The following C1orf21 variants were observed in gnomAD, a reference collection of about 807,000 sequenced individuals.
C1orf21 encodes the protein chromosome 1 open reading frame 21.
Under a neutral mutation model 18.7 loss-of-function variants are expected in C1orf21, and 3 were observed. The observed-to-expected ratio is 0.16, with a 90% confidence interval of 0.07 to 0.42. C1orf21 has a LOEUF of 0.42. Ranked by LOEUF, C1orf21 falls within the 10% of genes least tolerant of loss-of-function variation. The pLI is 0.99. For missense variants in C1orf21, 104 were observed against 143.6 expected (o/e 0.72, Z 1.41); for synonymous variants, 41 against 46.4 (o/e 0.88, Z 0.47).
At chr1:184,577,007 A>G (rs1319485395) in intron 3 of C1orf21, among the ~76,000 whole-genome samples, 1 of 152,084 alleles carries the variant, frequency 6.6e-6, no homozygotes, top group Non-Finnish European at 1.5e-5. Flanking sequence ...TGCATTTTGC[A>G]TGTGGGGTGG....
intron 1 of C1orf21, among the ~76,000 whole-genome samples, chr1:184,467,158 TC>T (rs1657410954): frequency 6.6e-6 from 1 of 152,180 alleles, no homozygotes; most frequent in African/African-American, 2.4e-5. Context: ...AGAGGGGTAC[TC>T]CCTTCCTTAA....
At chr1:184,583,346 AG>A (rs1233031768) in intron 3 of C1orf21, among the ~76,000 whole-genome samples, 1 of 152,240 alleles carries the variant, frequency 6.6e-6, no homozygotes. Flanking sequence ...AATTACTTCA[AG>A]CAAAGGAAAA....
At chr1:184,594,217 G>A (rs1361549297) in intron 4 of C1orf21, among the ~76,000 whole-genome samples, 1 of 152,192 alleles carries the variant, frequency 6.6e-6, no homozygotes, top group Non-Finnish European at 1.5e-5. Flanking sequence ...CTACTTCCCT[G>A]AGGTCCAGTT....
intron 1 of C1orf21, among the ~76,000 whole-genome samples, chr1:184,432,196 C>A (rs993954462): frequency 6.6e-5 from 10 of 152,234 alleles, no homozygotes; most frequent in Non-Finnish European, 1.2e-4. Context: ...GATTATAAAT[C>A]ATTCTACTCT....
intron 2 of C1orf21, among the ~76,000 whole-genome samples, chr1:184,484,002 C>T (rs1657695421): frequency 1.3e-5 from 2 of 152,080 alleles, no homozygotes; most frequent in Non-Finnish European, 2.9e-5. Flanking sequence ...CAGCTCACTG[C>T]AACCTCCGTC....
rs979443229 is a variant in C1orf21, at chr1:184,620,505, G to C, written c.*949G>C. ...TCTAAGAGGTGAGGGGACATCCTAT[G>C]ACTTTTTAGGAAGGCCTGAAACCAC... is the stretch of plus-strand genomic sequence containing the variant. On this transcript the variant is annotated 3_prime_UTR_variant, in exon 6 of 6. Coordinates refer to ENST00000235307, the MANE Select transcript of C1orf21 (RefSeq NM_030806.4). 6.6e-6 allele frequency: 1 copy of C among 152,524 alleles called. No individual in the cohort carries two copies. Among genetic ancestry groups the C allele is most frequent in the African/African-American group, 2.4e-5 (1 of 41,412 alleles). 9.4% of individuals were successfully genotyped at this position (152,524 alleles called of 1,614,324 possible). A position where few individuals can be genotyped will look rare whatever the true frequency, so the allele number is the denominator to read the frequency against.
At chr1:184,484,867 A>G (rs1657709932) in intron 2 of C1orf21, among the ~76,000 whole-genome samples, 1 of 148,260 alleles carries the variant, frequency 6.7e-6, no homozygotes, top group African/African-American at 2.5e-5. Flanking sequence ...ATGAGAGCAT[A>G]TAACAGATGC....
chr1:184,531,310 A>G (rs896286650), intron 3 of C1orf21, among the ~76,000 whole-genome samples: 5 of 151,622 alleles, frequency 3.3e-5, no homozygotes, highest in Non-Finnish European at 5.9e-5. Flanking sequence ...TCTACACTCT[A>G]TTTTCTATGT....
intron 1 of C1orf21, among the ~76,000 whole-genome samples, chr1:184,423,744 T>C (rs1464840133): frequency 1.3e-5 from 2 of 152,012 alleles, no homozygotes; most frequent in African/African-American, 2.4e-5. Flanking sequence ...TCTTCCTTTC[T>C]CCCTATTTCA....
chr1:184,482,058 T>C (rs1657665609), intron 2 of C1orf21, among the ~76,000 whole-genome samples: 1 of 152,266 alleles, frequency 6.6e-6, no homozygotes. Flanking sequence ...CCATTATTTC[T>C]GTGGTCTCTT....
chr1:184,489,869 A>T (rs907812155), intron 2 of C1orf21, among the ~76,000 whole-genome samples: 1 of 152,196 alleles, frequency 6.6e-6, no homozygotes, highest in African/African-American at 2.4e-5. Flanking sequence ...TTTATTGTGA[A>T]GTTTCAGGTG....
chr1:184,489,129 T>C (rs1657776995), intron 2 of C1orf21, among the ~76,000 whole-genome samples: 1 of 152,196 alleles, frequency 6.6e-6, no homozygotes, highest in Non-Finnish European at 1.5e-5. Flanking sequence ...AAATTTTGAT[T>C]GGCAAAAAGT....
intron 1 of C1orf21, among the ~76,000 whole-genome samples, chr1:184,413,864 G>A (rs1656404768): frequency 6.6e-6 from 1 of 152,172 alleles, no homozygotes; most frequent in Admixed American, 6.5e-5. Context: ...AAATCAGAGA[G>A]GAGGAGCAAG....
intron 3 of C1orf21, among the ~76,000 whole-genome samples, chr1:184,531,576 C>T (rs937683724): frequency 5.9e-5 from 9 of 152,230 alleles, no homozygotes; most frequent in Admixed American, 2.0e-4. Context: ...TTATTTAAGG[C>T]GGGCTATAAT....
chr1:184,451,787 G>T (rs76334261), intron 1 of C1orf21, among the ~76,000 whole-genome samples: 10 of 152,182 alleles, frequency 6.6e-5, no homozygotes, highest in Non-Finnish European at 1.0e-4. Flanking sequence ...ATTGCACATT[G>T]TAGGCCTCTT....
chr1:184,571,713 C>G (rs988037106), intron 3 of C1orf21, among the ~76,000 whole-genome samples: 4 of 152,268 alleles, frequency 2.6e-5, no homozygotes, highest in African/African-American at 7.2e-5. Context: ...TTCCAGACCT[C>G]TCTCATCATT....
intron 3 of C1orf21, among the ~76,000 whole-genome samples, chr1:184,530,006 A>G (rs1444236310): frequency 1.3e-5 from 2 of 152,184 alleles, no homozygotes; most frequent in African/African-American, 4.8e-5. Flanking sequence ...TACACGCTTC[A>G]CCTTTAAAAT....
At chr1:184,595,131 G>A (rs1446737407) in intron 4 of C1orf21, among the ~76,000 whole-genome samples, 1 of 152,160 alleles carries the variant, frequency 6.6e-6, no homozygotes, top group African/African-American at 2.4e-5. Context: ...GGTTGTTTTA[G>A]TTACGAGAGA....
intron 3 of C1orf21, among the ~76,000 whole-genome samples, chr1:184,543,660 A>G (rs1191283230): frequency 6.6e-6 from 1 of 152,206 alleles, no homozygotes; most frequent in African/African-American, 2.4e-5. Flanking sequence ...CAGTAGAAAC[A>G]GGTATATTTG....
Sources: allele counts gnomAD v4.1 joint callset (sites outside exome capture counted in the v4.1 genomes callset), GRCh38; gene constraint gnomAD v4.1.1; transcripts MANE v1.5; gene names NCBI Gene and HGNC (gene_info 2026-07-23, HGNC 2026-07-21).